NXN: variants seen among roughly 807,000 people sequenced by gnomAD.
NXN encodes the protein nucleoredoxin 1.
NXN carries 16 observed loss-of-function variants against 48.6 expected under a neutral mutation model. That is an observed-to-expected ratio of 0.33 (90% CI 0.22 to 0.50). NXN has a LOEUF of 0.50. Ranked by LOEUF, NXN falls within the 20% of genes least tolerant of loss-of-function variation. The probability of loss-of-function intolerance (pLI) is 0.98; values close to 1 mark genes in which losing one functional copy is unlikely to be tolerated. For synonymous variants in NXN, 281 were observed against 269.6 expected, an observed-to-expected ratio of 1.04 and a Z score of -0.41; for missense variants, 492 against 605.5, an observed-to-expected ratio of 0.81 and a Z score of 1.97.
intron 1 of NXN, among the ~76,000 whole-genome samples, chr17:879,720 C>G (rs2068263460): frequency 1.3e-5 from 2 of 152,168 alleles, no homozygotes; most frequent in Admixed American, 1.3e-4. Flanking sequence ...GCGGGCGTCA[C>G]CTTTCTGCAT....
At chr17:812,301 G>A (rs1469188706) in intron 5 of NXN, among the ~76,000 whole-genome samples, 1 of 152,216 alleles carries the variant, frequency 6.6e-6, no homozygotes, top group Non-Finnish European at 1.5e-5. Flanking sequence ...ATGACCAGCA[G>A]ATCAAGCCAC....
intron 1 of NXN, among the ~76,000 whole-genome samples, chr17:897,273 G>A (rs1002164875): frequency 5.3e-5 from 8 of 152,208 alleles, no homozygotes; most frequent in African/African-American, 1.7e-4. Flanking sequence ...AGGCAGCTGC[G>A]TGGACATCAA....
intron 1 of NXN, among the ~76,000 whole-genome samples, chr17:840,678 C>T (rs572198707): frequency 1.1e-4 from 16 of 152,282 alleles, no homozygotes; most frequent in South Asian, 6.2e-4. Flanking sequence ...CTCACTTCAC[C>T]GGCGAGATAC....
At chr17:959,025 C>T (rs148175058) in intron 1 of NXN, 8 of 253,448 alleles carry the variant, frequency 3.2e-5, no homozygotes, top group Non-Finnish European at 5.3e-5. Flanking sequence ...TGCGCGGAGC[C>T]GAGGGACCAT....
At chr17:960,907 C>T (rs1437687848) in intron 1 of NXN, among the ~76,000 whole-genome samples, 1 of 151,684 alleles carries the variant, frequency 6.6e-6, no homozygotes, top group Non-Finnish European at 1.5e-5. Context: ...TGCCTCAGCT[C>T]CTGAGTAGCT....
At position 849,850 on chromosome 17, in the gene NXN, A is replaced by G. The variant is rs539142139; in HGVS notation, c.361-23772T>C. Among the ~76,000 whole-genome samples, 1 of 152,192 alleles carries G rather than the reference A, an allele frequency of 6.6e-6. No homozygotes were observed. Among genetic ancestry groups the G allele is most frequent in the East Asian group, 1.9e-4 (1 of 5,160 alleles). On this transcript the variant is annotated intron_variant, in intron 1 of 7. Coordinates refer to ENST00000336868, the MANE Select transcript of NXN (RefSeq NM_022463.5). This position sits in a 1 kb window ranked among gnomAD's most constrained non-coding sequence, Gnocchi z 4.2. ...GGAGCTGACGGAGAGGAGGACAGATAAGGAGGGGCAGGAGAGACACCAGAG... is the reference window on the plus strand; with the variant it reads ...GGAGCTGACGGAGAGGAGGACAGATGAGGAGGGGCAGGAGAGACACCAGAG...
chr17:854,226 C>G (rs928790318), intron 1 of NXN, among the ~76,000 whole-genome samples: 1 of 152,212 alleles, frequency 6.6e-6, no homozygotes, highest in Non-Finnish European at 1.5e-5. Flanking sequence ...ACCGTACTCG[C>G]TCTTCTCACT....
Position 849,166 on chromosome 17 carries a change from A to G in NXN, c.361-23088T>C, listed in dbSNP as rs1007925946. Among the ~76,000 whole-genome samples the G allele has an allele frequency of 4.6e-5, 7 of 152,046 alleles. No individual in the cohort carries two copies. The highest frequency in any genetic ancestry group is 1.3e-4 in the Admixed American group (2 of 15,262). ...CGGCAGGCAATCATGGTGGGTGTGCACGCTTGATCTAAGACCAATCACGCT... is the reference window on the plus strand; with the variant it reads ...CGGCAGGCAATCATGGTGGGTGTGCGCGCTTGATCTAAGACCAATCACGCT... On this transcript the variant is annotated intron_variant, in intron 1 of 7. Transcript: ENST00000336868. The surrounding 1 kb of genome is among the most constrained non-coding windows in gnomAD (Gnocchi z 4.2).
At chr17:876,060 A>G (rs1204291742) in intron 1 of NXN, among the ~76,000 whole-genome samples, 1 of 152,042 alleles carries the variant, frequency 6.6e-6, no homozygotes, top group East Asian at 1.9e-4. Flanking sequence ...GTGCACCTGT[A>G]ATCCCAGGTA....
chr17:884,360 G>C lies in NXN; in HGVS notation c.361-58282C>G, dbSNP rs1045658076. On this transcript the variant is annotated intron_variant, in intron 1 of 7. Coordinates refer to ENST00000336868, the MANE Select transcript of NXN (RefSeq NM_022463.5). Reference sequence around the variant, plus strand: ...TTTGAGGTGACAGTGAGCTATGACTGCACCACTGCACTCCAGCCTGGGTGA... The same window carrying C: ...TTTGAGGTGACAGTGAGCTATGACTCCACCACTGCACTCCAGCCTGGGTGA... Among the ~76,000 whole-genome samples the C allele has an allele frequency of 3.9e-5, 6 of 152,138 alleles. No individual in the cohort carries two copies. The East Asian group carries it at 1.2e-3, about 29-fold the overall frequency.
intron 1 of NXN, among the ~76,000 whole-genome samples, chr17:899,817 G>A (rs528860853): frequency 9.9e-5 from 15 of 152,262 alleles, no homozygotes; most frequent in African/African-American, 3.4e-4. Flanking sequence ...CTGAGCCCAG[G>A]AGTTCGAGGC....
chr17:923,437 T>C (rs2068767752), intron 1 of NXN, among the ~76,000 whole-genome samples: 1 of 152,184 alleles, frequency 6.6e-6, no homozygotes. Context: ...ACGGGAGGAT[T>C]GCTTGAGCAA....
At chr17:934,591 C>T (rs1470244076) in intron 1 of NXN, among the ~76,000 whole-genome samples, 2 of 151,302 alleles carry the variant, frequency 1.3e-5, no homozygotes, top group African/African-American at 2.4e-5. Flanking sequence ...CCCAAATTCT[C>T]GGCCAGGCAC....
intron 1 of NXN, among the ~76,000 whole-genome samples, chr17:858,330 T>G (rs1355897096): frequency 6.6e-6 from 1 of 152,090 alleles, no homozygotes; most frequent in Non-Finnish European, 1.5e-5. Context: ...AAATCTAAAT[T>G]TTTAAAATGA....
At chr17:901,570 T>TC (rs1422969777) in intron 1 of NXN, among the ~76,000 whole-genome samples, 3 of 152,126 alleles carry the variant, frequency 2.0e-5, no homozygotes, top group Admixed American at 1.3e-4. Context: ...CCAGGACACC[T>TC]CCCCCGTGAA....
chr17:812,904 ATG>A lies in NXN; in HGVS notation c.820+6533_820+6534del, dbSNP rs545277464. On this transcript the variant is annotated intron_variant, in intron 5 of 7. Transcript: ENST00000336868. The stretch of plus-strand genomic sequence containing the variant: ...CGCACATGTGAATGTAGGTGTGTGC[ATG>A]TGTGACTGTAGGTGTGTGCGTGTGT... Among the ~76,000 whole-genome samples the A allele has an allele frequency of 2.5e-3, 292 of 117,732 alleles. 2 individuals are homozygous for A. The highest frequency in any genetic ancestry group is 6.2e-3 in the African/African-American group (186 of 30,020). 77.2% of individuals were successfully genotyped at this position (117,732 alleles called of 152,430 possible). A position where few individuals can be genotyped will look rare whatever the true frequency, so the allele number is the denominator to read the frequency against.
At chr17:975,665 C>G (rs1461329248) in intron 1 of NXN, among the ~76,000 whole-genome samples, 3 of 152,226 alleles carry the variant, frequency 2.0e-5, no homozygotes, top group Admixed American at 6.5e-5. Flanking sequence ...GGTCTGCACC[C>G]TTGGATGTCA....
At chr17:835,510 C>T (rs186368565) in intron 1 of NXN, among the ~76,000 whole-genome samples, 9 of 152,248 alleles carry the variant, frequency 5.9e-5, no homozygotes, top group East Asian at 5.8e-4. Context: ...CCCACTGCTC[C>T]GCCTGGCAGT....
intron 1 of NXN, among the ~76,000 whole-genome samples, chr17:896,274 AG>A (rs1209805952): frequency 2.0e-5 from 3 of 149,178 alleles, no homozygotes; most frequent in Admixed American, 1.4e-4. Flanking sequence ...CAGGAGGCAG[AG>A]GTTGCAGTGA....
Sources: gnomAD v4.1 joint callset for allele counts (sites outside exome capture counted in the v4.1 genomes callset) on GRCh38, gnomAD v4.1.1 for gene constraint, Gnocchi (gnomAD v3.1) non-coding constraint, MANE v1.5 for transcripts, NCBI Gene and HGNC (gene_info 2026-07-23, HGNC 2026-07-21) for gene names.